AGBL1: variants seen among roughly 807,000 people sequenced by gnomAD.
AGBL1 encodes the protein cytosolic carboxypeptidase 4.
A neutral mutation model predicts 118.9 loss-of-function variants in AGBL1; 130 were observed. That is an observed-to-expected ratio of 1.09 (90% CI 0.95 to 1.26). The LOEUF (loss-of-function observed/expected upper bound fraction) is 1.26, where lower values mean the gene tolerates loss of function less well. AGBL1 is among the 50% of genes most tolerant of loss of function. The pLI is 0.00. For synonymous variants in AGBL1, 555 were observed against 478.9 expected (o/e 1.16, Z -2.08); for missense variants, 1,584 against 1,298.1 (o/e 1.22, Z -3.38).
In AGBL1 at chr15:86,337,316, G is replaced by A. The variant is rs564057476; in HGVS notation, c.2374+41908G>A. ...GTGCACTGTCTTGTATTACCAGTAGGCTTTTTTATATTAGTTCTAGAAAAG... is the reference window on the plus strand; with the variant it reads ...GTGCACTGTCTTGTATTACCAGTAGACTTTTTTATATTAGTTCTAGAAAAG... On this transcript the variant is annotated intron_variant, in intron 17 of 22. Coordinates refer to ENST00000614907, the MANE Select transcript of AGBL1 (RefSeq NM_001386094.1). 8.0e-4 allele frequency among the ~76,000 whole-genome samples: 122 copies of A among 152,090 alleles called. 2 individuals are homozygous for A. The South Asian group carries it at 0.023, about 29-fold the overall frequency.
chr15:86,086,300 C>G (rs1895648969), intron 1 of AGBL1: 1 of 152,148 alleles, frequency 6.6e-6, no homozygotes. Flanking sequence ...GACTGGACAC[C>G]TCTTCATATT....
intron 22 of AGBL1, among the ~76,000 whole-genome samples, chr15:86,679,309 A>T (rs1355711093): frequency 1.3e-5 from 2 of 152,082 alleles, no homozygotes. Context: ...ATATCATCAT[A>T]AACTTTTAAT....
At chr15:86,365,547 A>T (rs897396312) in intron 17 of AGBL1, among the ~76,000 whole-genome samples, 4 of 152,182 alleles carry the variant, frequency 2.6e-5, no homozygotes, top group Admixed American at 2.6e-4. Context: ...AGAGTGGGTA[A>T]TTGAATTTTT....
At chr15:86,569,276 T>A (rs1230012663) in intron 21 of AGBL1, among the ~76,000 whole-genome samples, 2 of 151,876 alleles carry the variant, frequency 1.3e-5, no homozygotes, top group African/African-American at 2.4e-5. Flanking sequence ...ACAAAAAAAA[T>A]TAAAATCAGC....
chr15:86,300,109 T>G (rs560025347), intron 17 of AGBL1, among the ~76,000 whole-genome samples: 7 of 152,108 alleles, frequency 4.6e-5, no homozygotes, highest in Non-Finnish European at 8.8e-5. Context: ...ATGGCATCCA[T>G]CAAACATATT....
intron 21 of AGBL1, among the ~76,000 whole-genome samples, chr15:86,655,245 T>A (rs374175324): frequency 6.6e-5 from 10 of 152,266 alleles, no homozygotes; most frequent in Admixed American, 3.9e-4. Flanking sequence ...TCTGTTTAAA[T>A]CCTGAATATC....
chr15:86,099,446 A>G (rs1265779417), intron 1 of AGBL1, among the ~76,000 whole-genome samples: 1 of 151,940 alleles, frequency 6.6e-6, no homozygotes, highest in Non-Finnish European at 1.5e-5. Context: ...ATCAGCTCGA[A>G]AAGTTTTTGG....
chr15:86,494,707 T>G (rs2082825379), intron 18 of AGBL1, among the ~76,000 whole-genome samples: 1 of 152,134 alleles, frequency 6.6e-6, no homozygotes, highest in Admixed American at 6.6e-5. Context: ...TATTTAGAAC[T>G]ATCCTTGCTT....
intron 1 of AGBL1, among the ~76,000 whole-genome samples, chr15:86,113,222 C>G (rs1455998419): frequency 2.5e-4 from 15 of 59,638 alleles, no homozygotes; most frequent in South Asian, 5.6e-4. Context: ...TTTTTCTTTT[C>G]TTTTCTTTTC....
Position 86,582,141 on chromosome 15 carries a change from G to T in AGBL1, c.2994+27604G>T, listed in dbSNP as rs145407128. 5.1e-3 allele frequency among the ~76,000 whole-genome samples: 781 copies of T among 152,182 alleles called. 11 individuals carry two copies. Among genetic ancestry groups the T allele is most frequent in the African/African-American group, 0.016 (653 of 41,530 alleles). ...CAACCAAAAAATATATCTAGACATTGCCAGTTGTCCCCTTGTAGATCAAAA... is the reference window on the plus strand; with the variant it reads ...CAACCAAAAAATATATCTAGACATTTCCAGTTGTCCCCTTGTAGATCAAAA... On this transcript the variant is annotated intron_variant, in intron 21 of 22. Coordinates refer to ENST00000614907, the MANE Select transcript of AGBL1 (RefSeq NM_001386094.1).
intron 5 of AGBL1, among the ~76,000 whole-genome samples, chr15:86,221,745 T>G (rs1266025839): frequency 1.3e-5 from 2 of 152,146 alleles, no homozygotes; most frequent in Non-Finnish European, 2.9e-5. Flanking sequence ...AACAACATAT[T>G]TACAAACTTT....
rs1256405191 is a variant in AGBL1 at position 86,974,536 on chromosome 15, AT to A, written c.3222-13450del. The stretch of plus-strand genomic sequence containing the variant: ...AATATATATAATATATATTAAATAT[AT>A]AAAAATTATATAATTATATAATATA... On this transcript the variant is annotated intron_variant, in intron 23 of 24. Transcript: ENST00000441037. 9.5e-3 allele frequency among the ~76,000 whole-genome samples: 1,256 copies of A among 132,860 alleles called. 45 individuals carry two copies. The highest frequency in any genetic ancestry group is 0.018 in the Middle Eastern group (4 of 226). 87.2% of individuals were successfully genotyped at this position (132,860 alleles called of 152,430 possible).
At chr15:86,381,357 A>T (rs1232050895) in intron 17 of AGBL1, among the ~76,000 whole-genome samples, 1 of 152,212 alleles carries the variant, frequency 6.6e-6, no homozygotes, top group Non-Finnish European at 1.5e-5. Flanking sequence ...TTTTTGGACA[A>T]TTAAATGTTT....
At chr15:86,804,489 A>C (rs531519624) in intron 22 of AGBL1, among the ~76,000 whole-genome samples, 59 of 152,312 alleles carry the variant, frequency 3.9e-4, no homozygotes, top group Admixed American at 3.8e-3. Context: ...AAAAAAACCC[A>C]AATCAAAAAT....
At chr15:86,984,363 CTTT>C (rs869123922) in intron 23 of AGBL1, among the ~76,000 whole-genome samples, 240 of 23,330 alleles carry the variant, frequency 0.01, 2 homozygotes, top group African/African-American at 0.033. Flanking sequence ...TTTTTTCTCT[CTTT>C]TTTTTTTTTT....
intron 17 of AGBL1, among the ~76,000 whole-genome samples, chr15:86,333,419 G>T (rs1363311314): frequency 6.6e-6 from 1 of 152,090 alleles, no homozygotes; most frequent in African/African-American, 2.4e-5. Flanking sequence ...TGCCCACAAA[G>T]TAGAAAATCT....
chr15:86,607,487 G>A (rs2084594099), intron 21 of AGBL1, among the ~76,000 whole-genome samples: 1 of 152,132 alleles, frequency 6.6e-6, no homozygotes, highest in Non-Finnish European at 1.5e-5. Context: ...GATTTTGTAG[G>A]AAACCACCAA....
intron 22 of AGBL1, among the ~76,000 whole-genome samples, chr15:86,764,835 G>A (rs951304801): frequency 7.2e-5 from 11 of 152,000 alleles, no homozygotes; most frequent in South Asian, 6.2e-4. Context: ...GGCCACCTTT[G>A]AGCTGGGTGA....
intron 21 of AGBL1, among the ~76,000 whole-genome samples, chr15:86,672,332 C>A (rs1364265211): frequency 6.6e-6 from 1 of 152,162 alleles, no homozygotes; most frequent in Non-Finnish European, 1.5e-5. Flanking sequence ...AAAATACTAT[C>A]ATTTTAGCTG....
Sources: gnomAD v4.1 joint callset for allele counts (sites outside exome capture counted in the v4.1 genomes callset) on GRCh38, gnomAD v4.1.1 for gene constraint, MANE v1.5 for transcripts, NCBI Gene and HGNC (gene_info 2026-07-23, HGNC 2026-07-21) for gene names.